The following KIRREL1 variants were observed in gnomAD, a reference collection of about 807,000 sequenced individuals.
KIRREL1 encodes the protein kirre like nephrin family adhesion molecule 1, also known as kin of IRRE-like protein 1.
In KIRREL1, 25 loss-of-function variants were observed where a neutral mutation model predicts 83.3. That is an observed-to-expected ratio of 0.30 (90% CI 0.22 to 0.42). The LOEUF is 0.42. Ranked by LOEUF, KIRREL1 falls within the 10% of genes least tolerant of loss-of-function variation. KIRREL1 has a pLI of 1.00. For missense variants in KIRREL1, 812 were observed against 1,032.3 expected (o/e 0.79, Z 2.92); for synonymous variants, 388 against 410.4 (o/e 0.95, Z 0.66).
intron 1 of KIRREL1, among the ~76,000 whole-genome samples, chr1:158,064,030 A>C (rs1170008406): frequency 2.0e-5 from 3 of 152,224 alleles, no homozygotes; most frequent in Non-Finnish European, 4.4e-5. Flanking sequence ...TGTTGAATTA[A>C]GTTTATTTTC....
rs559057049 is a variant in KIRREL1, at chr1:158,070,277, G to A, written c.53-5836G>A. The stretch of plus-strand genomic sequence containing the variant: ...CTGGAGAGACACCCGGGATATCCCT[G>A]TAGCAGAAAATACCTGAGTTCACAT... On this transcript the variant is annotated intron_variant, in intron 1 of 14. Transcript: ENST00000359209. 3.6e-4 allele frequency among the ~76,000 whole-genome samples: 55 copies of A among 152,326 alleles called. 2 individuals carry two copies. The highest frequency in any genetic ancestry group is 1.2e-3 in the South Asian group (6 of 4,830).
chr1:158,003,413 C>A (rs1036124397), intron 1 of KIRREL1, among the ~76,000 whole-genome samples: 13 of 152,164 alleles, frequency 8.5e-5, no homozygotes, highest in African/African-American at 3.1e-4. Context: ...CAGTGGGACT[C>A]CTGGGTTTTA....
chr1:158,029,131 G>A (rs931730495), intron 1 of KIRREL1, among the ~76,000 whole-genome samples: 4 of 152,218 alleles, frequency 2.6e-5, no homozygotes, highest in Non-Finnish European at 5.9e-5. Flanking sequence ...TACAGGGCAT[G>A]TACAGCAGAA....
In KIRREL1 at chr1:158,098,199, T is replaced by C. The variant is rs545593159; in HGVS notation, c.*3079T>C. 2 of 152,310 alleles carry C rather than the reference T, an allele frequency of 1.3e-5. No homozygotes were observed. Among genetic ancestry groups the C allele is most frequent in the Admixed American group, 6.5e-5 (1 of 15,310 alleles). The allele number at this position is 152,310 out of a possible 1,614,324, so 9.4% of individuals were successfully genotyped here. A position where few individuals can be genotyped will look rare whatever the true frequency, so the allele number is the denominator to read the frequency against. On this transcript the variant is annotated 3_prime_UTR_variant, in exon 15 of 15. Coordinates refer to ENST00000359209, the MANE Select transcript of KIRREL1 (RefSeq NM_018240.7). ...ACCCTAAACCTCAGAGTAAAATTGA[T>C]GTGGGGCTATCCTTTGGCTATCGGG...
In KIRREL1 at chr1:158,084,588, C is replaced by T. The variant is rs762298485; in HGVS notation, c.510+9C>T. On this transcript the variant is annotated intron_variant, in intron 4 of 14. Transcript: ENST00000359209. ...GCGCTGTGGCCAGCACGGTGAGCTC[C>T]AGCCAGCTCCCCCAGCTCCTCCTGG... 13 of 1,550,944 alleles carry T rather than the reference C, an allele frequency of 8.4e-6. No homozygotes were observed. In the African/African-American group the frequency reaches 1.4e-4, roughly 16 times the overall value.
At chr1:158,085,266 G>A (rs1661982744) in intron 4 of KIRREL1, among the ~76,000 whole-genome samples, 1 of 152,220 alleles carries the variant, frequency 6.6e-6, no homozygotes, top group Non-Finnish European at 1.5e-5. Flanking sequence ...AAACATATGT[G>A]TATTCAGCCC....
chr1:158,028,667 T>TGTAACTGAAAC (rs1355746602), intron 1 of KIRREL1, among the ~76,000 whole-genome samples: 1 of 152,214 alleles, frequency 6.6e-6, no homozygotes, highest in African/African-American at 2.4e-5. Flanking sequence ...ATTTTTTCTA[T>TGTAACTGAAAC]TTTTTTAACT....
chr1:158,000,072 G>GGT, intron 1 of KIRREL1, among the ~76,000 whole-genome samples: 1 of 150,856 alleles, frequency 6.6e-6, no homozygotes. Flanking sequence ...ATGGGGTGGG[G>GGT]GCTGAGGATA....
chr1:158,039,826 G>A (rs56321218), intron 1 of KIRREL1, among the ~76,000 whole-genome samples: 15,002 of 152,246 alleles, frequency 0.099, 945 homozygotes, highest in Middle Eastern at 0.15. Context: ...TCAGAGGGAG[G>A]TCCCAGAAGG....
chr1:158,065,423 C>T (rs920383387), intron 1 of KIRREL1, among the ~76,000 whole-genome samples: 1 of 152,120 alleles, frequency 6.6e-6, no homozygotes, highest in African/African-American at 2.4e-5. Context: ...GTGTCGTGCC[C>T]AGAGGGGATG....
chr1:158,017,623 A>G (rs561223946), intron 1 of KIRREL1, among the ~76,000 whole-genome samples: 1 of 152,120 alleles, frequency 6.6e-6, no homozygotes, highest in South Asian at 2.1e-4. Flanking sequence ...ACCCAGGAGG[A>G]GGAGGTTGCA....
At chr1:158,062,379 G>A (rs1661237864) in intron 1 of KIRREL1, among the ~76,000 whole-genome samples, 2 of 152,178 alleles carry the variant, frequency 1.3e-5, no homozygotes, top group African/African-American at 4.8e-5. Flanking sequence ...GGCTTCCTCA[G>A]CTCCCTGCAG....
At chr1:158,046,321 G>A (rs1160137803) in intron 1 of KIRREL1, among the ~76,000 whole-genome samples, 2 of 152,292 alleles carry the variant, frequency 1.3e-5, no homozygotes, top group South Asian at 2.1e-4. Context: ...TTTGTCTTAC[G>A]GACCTGGAGG....
intron 1 of KIRREL1, among the ~76,000 whole-genome samples, chr1:158,022,619 C>T (rs1304598662): frequency 6.6e-6 from 1 of 152,194 alleles, no homozygotes; most frequent in Non-Finnish European, 1.5e-5. Context: ...ATGTGCTTCC[C>T]ACTATGGTTA....
In KIRREL1 at chr1:158,094,847, C is replaced by T. The variant is rs756861967; in HGVS notation, c.2001C>T (p.Pro667=). The T allele has an allele frequency of 5.0e-6, 8 of 1,613,980 alleles. No homozygotes were observed. The South Asian group carries it at 7.7e-5, about 16-fold the overall frequency. ...PASDYGPEPT[P]PGPAAPAGTD... is the part of the protein sequence containing the mutation. ...CTGACTATGGCCCTGAGCCCACACC[C>T]CCTGGCCCTGCTGCCCCAGCTGGCA... Residue 667 remains proline, a synonymous_variant, in exon 15 of 15, where the codon CCC becomes CCT. Coordinates refer to ENST00000359209, the MANE Select transcript of KIRREL1 (RefSeq NM_018240.7). This position sits in a 1 kb window ranked among gnomAD's most constrained non-coding sequence, Gnocchi z 4.6.
At chr1:158,086,907 T>C (rs1662033984) in intron 5 of KIRREL1, among the ~76,000 whole-genome samples, 161 bp downstream of exon 5, 1 of 152,098 alleles carries the variant, frequency 6.6e-6, no homozygotes, top group Admixed American at 6.5e-5. Context: ...GATTGAACCA[T>C]GGGGACTAAG....
At chr1:158,044,337 A>G (rs1318294669) in intron 1 of KIRREL1, among the ~76,000 whole-genome samples, 1 of 152,200 alleles carries the variant, frequency 6.6e-6, no homozygotes. Flanking sequence ...TGGGAGGTCC[A>G]TGCCCAGAGA....
chr1:158,068,894 T>A (rs917159289), intron 1 of KIRREL1, among the ~76,000 whole-genome samples: 27 of 150,096 alleles, frequency 1.8e-4, no homozygotes, highest in African/African-American at 6.3e-4. Context: ...TTTAGTTCCA[T>A]CTGAAAGCTG....
chr1:158,085,276 C>G (rs1661983172), intron 4 of KIRREL1, among the ~76,000 whole-genome samples: 1 of 152,214 alleles, frequency 6.6e-6, no homozygotes, highest in Non-Finnish European at 1.5e-5. Context: ...GTATTCAGCC[C>G]TTTGCTGGTG....
Sources: gnomAD v4.1 joint callset for allele counts (sites outside exome capture counted in the v4.1 genomes callset) on GRCh38, gnomAD v4.1.1 for gene constraint, Gnocchi (gnomAD v3.1) non-coding constraint, MANE v1.5 for transcripts, NCBI Gene and HGNC (gene_info 2026-07-23, HGNC 2026-07-21) for gene names.